CSMD1: variants seen among roughly 807,000 people sequenced by gnomAD.
CSMD1 encodes CUB and sushi domain-containing protein 1.
A neutral mutation model predicts 417.5 loss-of-function variants in CSMD1; 213 were observed. The ratio of observed to expected loss-of-function variants is 0.51; its 90% confidence interval spans 0.46 to 0.57. CSMD1 has a LOEUF of 0.57. Among genes scored for constraint, CSMD1 ranks in the 20% least tolerant of loss-of-function variants. CSMD1 has a pLI of 0.00. For synonymous variants in CSMD1, 2,862 were observed against 1,736.8 expected (o/e 1.65, Z -16.11); for missense variants, 6,923 against 4,529.7 (o/e 1.53, Z -15.17).
At chr8:3,083,646 A>ATT (rs1814270383) in intron 49 of CSMD1, among the ~76,000 whole-genome samples, 3 of 16,738 alleles carry the variant, frequency 1.8e-4, no homozygotes, top group African/African-American at 4.9e-4. Flanking sequence ...ATATATATAT[A>ATT]TATTTTTTTT....
chr8:3,926,806 C>G lies in CSMD1; in HGVS notation c.818+71097G>C, dbSNP rs1381540027. Among the ~76,000 whole-genome samples, 5 of 149,200 alleles carry G rather than the reference C, an allele frequency of 3.4e-5. 1 individual carries two copies. The highest frequency in any genetic ancestry group is 7.4e-5 in the Non-Finnish European group (5 of 67,562). ...TCTCAGCTCACTGCAACCTCTGCCTCCCGGGTTCAAGCAATTCCCCTGCCT... is the reference window on the plus strand; with the variant it reads ...TCTCAGCTCACTGCAACCTCTGCCTGCCGGGTTCAAGCAATTCCCCTGCCT... On this transcript the variant is annotated intron_variant, in intron 5 of 69. Transcript: ENST00000635120.
intron 1 of CSMD1, among the ~76,000 whole-genome samples, chr8:4,846,873 G>C (rs535147973): frequency 1.3e-5 from 2 of 152,178 alleles, no homozygotes; most frequent in East Asian, 1.9e-4. Flanking sequence ...AAATATTCTT[G>C]AAATAGAATA....
At chr8:3,565,935 C>T (rs1022852275) in intron 10 of CSMD1, among the ~76,000 whole-genome samples, 1 of 152,134 alleles carries the variant, frequency 6.6e-6, no homozygotes, top group Non-Finnish European at 1.5e-5. Context: ...ATCCGTGATG[C>T]GGACCAATCT....
intron 2 of CSMD1, among the ~76,000 whole-genome samples, chr8:4,492,305 G>C (rs531916974): frequency 1.3e-5 from 2 of 152,066 alleles, no homozygotes; most frequent in African/African-American, 4.8e-5. Flanking sequence ...GCCCAGGATG[G>C]TCTCAAACTC....
chr8:3,293,781 C>T (rs1010156067), intron 25 of CSMD1, among the ~76,000 whole-genome samples: 2 of 152,200 alleles, frequency 1.3e-5, no homozygotes, highest in Non-Finnish European at 2.9e-5. Context: ...AAACTTCCTC[C>T]TGTAGCTCAG....
intron 1 of CSMD1, among the ~76,000 whole-genome samples, chr8:4,829,970 A>C (rs1800055884): frequency 1.3e-5 from 2 of 152,098 alleles, no homozygotes; most frequent in Admixed American, 6.6e-5. Context: ...TTTTGCTTAC[A>C]AACATATCGG....
intron 1 of CSMD1, among the ~76,000 whole-genome samples, chr8:4,976,564 TGTTA>T (rs914094186): frequency 2.0e-5 from 3 of 152,204 alleles, no homozygotes; most frequent in African/African-American, 4.8e-5. Context: ...ACTGATTTGT[TGTTA>T]GTATGTCCAA....
chr8:4,659,419 CAT>C (rs1362157508), intron 1 of CSMD1, among the ~76,000 whole-genome samples: 1 of 152,076 alleles, frequency 6.6e-6, no homozygotes, highest in African/African-American at 2.4e-5. Flanking sequence ...AATCTACAAA[CAT>C]AATGTGACAT....
chr8:4,748,644 T>C (rs1811108716), intron 1 of CSMD1, among the ~76,000 whole-genome samples: 1 of 152,206 alleles, frequency 6.6e-6, no homozygotes, highest in Admixed American at 6.5e-5. Context: ...CTGGAATGTC[T>C]CCAGAATTTA....
chr8:3,995,946 C>T (rs1168014956), intron 5 of CSMD1, among the ~76,000 whole-genome samples: 3 of 152,154 alleles, frequency 2.0e-5, no homozygotes, highest in Non-Finnish European at 2.9e-5. Context: ...AGATGTCTTC[C>T]AGCCTGGATC....
intron 3 of CSMD1, among the ~76,000 whole-genome samples, chr8:4,117,356 G>C (rs1250052857): frequency 6.6e-6 from 1 of 151,060 alleles, no homozygotes; most frequent in Non-Finnish European, 1.5e-5. Flanking sequence ...ATCGCCTCAT[G>C]CTTCATAACA....
At chr8:3,038,193 A>T (rs1428484228) in intron 50 of CSMD1, among the ~76,000 whole-genome samples, 1 of 152,218 alleles carries the variant, frequency 6.6e-6, no homozygotes, top group East Asian at 1.9e-4. Flanking sequence ...TCTCAGCGAG[A>T]CAAGACCAAC....
At chr8:3,916,687 A>G (rs1240686756) in intron 5 of CSMD1, among the ~76,000 whole-genome samples, 1 of 152,180 alleles carries the variant, frequency 6.6e-6, no homozygotes, top group Non-Finnish European at 1.5e-5. Context: ...TAATCTGTGT[A>G]GTTTCCTACT....
At chr8:4,959,863 G>A (rs1047337382) in intron 1 of CSMD1, among the ~76,000 whole-genome samples, 2 of 152,130 alleles carry the variant, frequency 1.3e-5, no homozygotes, top group African/African-American at 4.8e-5. Context: ...AAACATCAGT[G>A]TCTCAATGAG....
At chr8:4,992,330 G>A (rs1463977936) in intron 1 of CSMD1, among the ~76,000 whole-genome samples, 1 of 152,248 alleles carries the variant, frequency 6.6e-6, no homozygotes, top group East Asian at 1.9e-4. Context: ...CCGAGCTAGG[G>A]CCGCCGCGGT....
At chr8:3,543,484 G>A (rs572777018) in intron 10 of CSMD1, among the ~76,000 whole-genome samples, 2 of 152,276 alleles carry the variant, frequency 1.3e-5, no homozygotes, top group East Asian at 3.9e-4. Context: ...AGTGATGATT[G>A]CCGAGACTGG....
At chr8:3,714,913 A>G (rs184735408) in intron 6 of CSMD1, among the ~76,000 whole-genome samples, 148 of 152,298 alleles carry the variant, frequency 9.7e-4, no homozygotes, top group African/African-American at 3.3e-3. Flanking sequence ...AGAAATCTCA[A>G]TGGTTTACAT....
intron 18 of CSMD1, among the ~76,000 whole-genome samples, chr8:3,376,196 T>C (rs1040266192): frequency 1.3e-5 from 2 of 152,044 alleles, no homozygotes; most frequent in African/African-American, 4.8e-5. Context: ...ATAAAAAAAA[T>C]TTTTTGACAA....
intron 26 of CSMD1, among the ~76,000 whole-genome samples, chr8:3,231,075 C>A (rs1798808534): frequency 6.6e-6 from 1 of 152,082 alleles, no homozygotes; most frequent in Non-Finnish European, 1.5e-5. Context: ...CAGAAGGCTA[C>A]CGCAAGCCCA....
Sources: gnomAD v4.1 joint callset for allele counts (sites outside exome capture counted in the v4.1 genomes callset) on GRCh38, gnomAD v4.1.1 for gene constraint, MANE v1.5 for transcripts, NCBI Gene and HGNC (gene_info 2026-07-23, HGNC 2026-07-21) for gene names.